KCNIP4: variants seen among roughly 807,000 people sequenced by gnomAD.
KCNIP4 encodes the protein Kv channel-interacting protein 4.
KCNIP4 carries 12 observed loss-of-function variants against 34.0 expected under a neutral mutation model. That is an observed-to-expected ratio of 0.35 (90% CI 0.23 to 0.57). The LOEUF (loss-of-function observed/expected upper bound fraction) is 0.57. KCNIP4 is among the 20% of genes least tolerant of loss of function. KCNIP4 has a pLI of 0.83. For synonymous variants in KCNIP4, 124 were observed against 102.2 expected, an observed-to-expected ratio of 1.21 and a Z score of -1.29; for missense variants, 238 against 311.7, an observed-to-expected ratio of 0.76 and a Z score of 1.78.
chr4:21,117,720 T>C (rs1749814795), intron 1 of KCNIP4, among the ~76,000 whole-genome samples: 2 of 151,978 alleles, frequency 1.3e-5, no homozygotes, highest in African/African-American at 4.8e-5. Context: ...GGCCCCTAGG[T>C]CCATTTCTTT....
intron 1 of KCNIP4, among the ~76,000 whole-genome samples, chr4:21,125,391 A>G (rs1312171317): frequency 1.3e-5 from 2 of 151,470 alleles, no homozygotes; most frequent in South Asian, 2.1e-4. Context: ...TAATTTTTGT[A>G]TTTTTAGTAG....
chr4:21,230,979 AC>A (rs1758746743), intron 1 of KCNIP4, among the ~76,000 whole-genome samples: 1 of 152,202 alleles, frequency 6.6e-6, no homozygotes, highest in Non-Finnish European at 1.5e-5. Context: ...ATTTCCACCA[AC>A]AGTGTAAAAG....
chr4:21,508,348 C>T (rs144798131), intron 1 of KCNIP4, among the ~76,000 whole-genome samples: 6 of 152,254 alleles, frequency 3.9e-5, no homozygotes, highest in African/African-American at 7.2e-5. Context: ...TCTGAAAACA[C>T]GTAGACAAAC....
intron 1 of KCNIP4, among the ~76,000 whole-genome samples, chr4:21,051,543 TA>T (rs1233789868): frequency 6.6e-6 from 1 of 152,106 alleles, no homozygotes; most frequent in Non-Finnish European, 1.5e-5. Flanking sequence ...TGTGTGGGGG[TA>T]TAGAGGTTAT....
At chr4:21,724,625 T>C (rs183949774) in intron 1 of KCNIP4, among the ~76,000 whole-genome samples, 290 of 151,318 alleles carry the variant, frequency 1.9e-3, no homozygotes, top group Non-Finnish European at 3.1e-3. Context: ...CTGAAAAAAA[T>C]ACCGTATTTC....
At chr4:20,865,480 A>C (rs1302739179) in intron 2 of KCNIP4, among the ~76,000 whole-genome samples, 1 of 152,104 alleles carries the variant, frequency 6.6e-6, no homozygotes, top group Admixed American at 6.6e-5. Flanking sequence ...GTCCATCAAT[A>C]AACAAATGGA....
At chr4:21,635,174 A>G (rs944848407) in intron 1 of KCNIP4, among the ~76,000 whole-genome samples, 1 of 152,222 alleles carries the variant, frequency 6.6e-6, no homozygotes, top group African/African-American at 2.4e-5. Flanking sequence ...GTACCCCTCC[A>G]TACTTCATTG....
chr4:21,803,855 T>A (rs1338120107), intron 1 of KCNIP4, among the ~76,000 whole-genome samples: 1 of 152,198 alleles, frequency 6.6e-6, no homozygotes, highest in Non-Finnish European at 1.5e-5. Context: ...AAAAGCTCCA[T>A]GAGAACTGAG....
chr4:21,147,934 C>T (rs1313097815), intron 1 of KCNIP4, among the ~76,000 whole-genome samples: 5 of 35,796 alleles, frequency 1.4e-4, no homozygotes, highest in South Asian at 8.6e-4. Flanking sequence ...AGTGAAACTC[C>T]GTCTCAAAAA....
intron 1 of KCNIP4, among the ~76,000 whole-genome samples, chr4:20,970,013 C>T (rs1354853332): frequency 6.6e-6 from 1 of 151,616 alleles, no homozygotes; most frequent in Non-Finnish European, 1.5e-5. Context: ...GCCATCTCTG[C>T]TCACTGCAAG....
intron 1 of KCNIP4, among the ~76,000 whole-genome samples, chr4:21,098,224 G>A (rs1747629847): frequency 6.6e-6 from 1 of 152,200 alleles, no homozygotes; most frequent in Admixed American, 6.6e-5. Context: ...ATAAGAAGCA[G>A]CAAATGCTGA....
chr4:21,481,737 G>A (rs1020873074), intron 1 of KCNIP4, among the ~76,000 whole-genome samples: 2 of 152,120 alleles, frequency 1.3e-5, no homozygotes, highest in Admixed American at 6.5e-5. Context: ...GCCACTTGTG[G>A]CTCATTGAAA....
At chr4:21,897,784 A>G (rs765189764) in intron 1 of KCNIP4, among the ~76,000 whole-genome samples, 1 of 152,128 alleles carries the variant, frequency 6.6e-6, no homozygotes, top group Non-Finnish European at 1.5e-5. Context: ...AAAAAAAGCA[A>G]CTTCATAAGA....
In KCNIP4 at chr4:20,729,844, TCA is replaced by T. The variant is rs999856350; in HGVS notation, c.*236_*237del. ...GCCAGATTCTATTACTTTTGAATAT[TCA>T]CAGAGTATGAAATGAGTTAGACCAT... On this transcript the variant is annotated 3_prime_UTR_variant, in exon 9 of 9. Coordinates refer to ENST00000382152, the MANE Select transcript of KCNIP4 (RefSeq NM_025221.6). 5.1e-6 allele frequency: 2 copies of T among 393,920 alleles called. No individual in the cohort carries two copies. The highest frequency in any genetic ancestry group is 9.0e-6 in the Non-Finnish European group (2 of 222,462). The allele number at this position is 393,920 out of a possible 1,614,324, so 24.4% of individuals were successfully genotyped here. A position where few individuals can be genotyped will look rare whatever the true frequency, so the allele number is the denominator to read the frequency against.
intron 1 of KCNIP4, among the ~76,000 whole-genome samples, chr4:21,064,171 T>C (rs1417315733): frequency 2.0e-5 from 3 of 152,184 alleles, no homozygotes; most frequent in Non-Finnish European, 4.4e-5. Flanking sequence ...TTCATATTAC[T>C]GCTTTACACT....
intron 1 of KCNIP4, among the ~76,000 whole-genome samples, chr4:21,881,396 A>G (rs1043995617): frequency 6.6e-6 from 1 of 152,198 alleles, no homozygotes; most frequent in Non-Finnish European, 1.5e-5. Flanking sequence ...AAAGAAAAAT[A>G]GTACCCTAGG....
intron 1 of KCNIP4, among the ~76,000 whole-genome samples, chr4:21,811,216 T>C (rs569617448): frequency 6.6e-6 from 1 of 152,264 alleles, no homozygotes; most frequent in African/African-American, 2.4e-5. Flanking sequence ...AGATCAAACA[T>C]GCTACTCAAT....
At chr4:21,093,210 C>T (rs1414892190) in intron 1 of KCNIP4, among the ~76,000 whole-genome samples, 2 of 152,160 alleles carry the variant, frequency 1.3e-5, no homozygotes, top group Non-Finnish European at 2.9e-5. Flanking sequence ...AAAGCAGAGA[C>T]TACTAAACAT....
chr4:21,003,379 G>A (rs930191577), intron 1 of KCNIP4, among the ~76,000 whole-genome samples: 2 of 152,196 alleles, frequency 1.3e-5, no homozygotes, highest in African/African-American at 4.8e-5. Flanking sequence ...ATTCCTTGAA[G>A]TATGTAAGGC....
Sources: allele counts gnomAD v4.1 joint callset (sites outside exome capture counted in the v4.1 genomes callset), GRCh38; gene constraint gnomAD v4.1.1; transcripts MANE v1.5; gene names NCBI Gene and HGNC (gene_info 2026-07-23, HGNC 2026-07-21).